The following DOCK4 variants were observed in gnomAD, a reference collection of about 807,000 sequenced individuals.
DOCK4 encodes dedicator of cytokinesis protein 4.
A neutral mutation model predicts 268.1 loss-of-function variants in DOCK4; 97 were observed. That is an observed-to-expected ratio of 0.36 (90% CI 0.31 to 0.43). The LOEUF is 0.43. Ranked by LOEUF, DOCK4 falls within the 20% of genes least tolerant of loss-of-function variation. The probability of loss-of-function intolerance (pLI) is 1.00; values close to 1 mark genes in which losing one functional copy is unlikely to be tolerated. For synonymous variants in DOCK4, 954 were observed against 887.2 expected, an observed-to-expected ratio of 1.08 and a Z score of -1.34; for missense variants, 2,145 against 2,455.7, an observed-to-expected ratio of 0.87 and a Z score of 2.67.
At chr7:111,969,897 A>C (rs1797569247) in intron 8 of DOCK4, among the ~76,000 whole-genome samples, 1 of 152,174 alleles carries the variant, frequency 6.6e-6, no homozygotes, top group Non-Finnish European at 1.5e-5. Context: ...TATGTAACAA[A>C]AACTCATATG....
At chr7:112,113,377 A>C (rs1157475260) in intron 1 of DOCK4, among the ~76,000 whole-genome samples, 1 of 152,188 alleles carries the variant, frequency 6.6e-6, no homozygotes, top group East Asian at 1.9e-4. Context: ...AGAGAGGACT[A>C]AATTGTAGTA....
intron 1 of DOCK4, among the ~76,000 whole-genome samples, chr7:112,136,098 C>T (rs1213834010): frequency 6.6e-6 from 1 of 152,158 alleles, no homozygotes; most frequent in Non-Finnish European, 1.5e-5. Context: ...ATTAAATACC[C>T]TCTCAGAAGT....
chr7:111,869,942 G>C (rs7788189), intron 20 of DOCK4, among the ~76,000 whole-genome samples: 31,304 of 152,106 alleles, frequency 0.21, 3,421 homozygotes, highest in African/African-American at 0.27. Flanking sequence ...GAAAAGGACT[G>C]TGCCCAACCA....
chr7:111,931,884 G>T (rs1794231623), intron 12 of DOCK4, among the ~76,000 whole-genome samples: 1 of 152,122 alleles, frequency 6.6e-6, no homozygotes, highest in African/African-American at 2.4e-5. Flanking sequence ...TCCCTTAGAG[G>T]ATTCAAACCT....
intron 1 of DOCK4, among the ~76,000 whole-genome samples, chr7:112,013,423 T>C (rs541097044): frequency 4.6e-5 from 7 of 152,318 alleles, no homozygotes; most frequent in South Asian, 2.1e-4. Flanking sequence ...CTCAAGGAGA[T>C]AGGGGAGCCA....
At chr7:111,786,483 A>C (rs1049045893) in intron 32 of DOCK4, among the ~76,000 whole-genome samples, 6 of 152,208 alleles carry the variant, frequency 3.9e-5, no homozygotes, top group African/African-American at 1.4e-4. Context: ...TTTATGAAAT[A>C]AGTTTCACAA....
intron 23 of DOCK4, among the ~76,000 whole-genome samples, chr7:111,851,696 G>A (rs150995588): frequency 2.2e-4 from 34 of 152,048 alleles, no homozygotes; most frequent in Non-Finnish European, 3.5e-4. Flanking sequence ...TTCCAGTTCC[G>A]TGAAATACTA....
chr7:111,888,322 G>C (rs1808015006), intron 16 of DOCK4, among the ~76,000 whole-genome samples: 1 of 151,060 alleles, frequency 6.6e-6, no homozygotes, highest in Non-Finnish European at 1.5e-5. Flanking sequence ...TCCTATGCAG[G>C]CACAGTAGAA....
intron 6 of DOCK4, among the ~76,000 whole-genome samples, chr7:111,986,715 A>C (rs1799081569): frequency 6.6e-6 from 1 of 152,192 alleles, no homozygotes; most frequent in Admixed American, 6.5e-5. Context: ...TGGGCAACAG[A>C]AACATGTACC....
Position 111,778,359 on chromosome 7 carries a change from T to G in DOCK4, c.3596A>C (p.Lys1199Thr), listed in dbSNP as rs1457214883. ...CATCTCCTCCTTGTTCAGTTCAGTC[T>G]TATAGAAGTTCTGTAAAAAAAGAGT... ...GCTVSLLNFY[K>T]TELNKEEMYI... The change falls in exon 36 of 53, where the codon AAG (lysine) becomes ACG (threonine). Residue 1199 changes from lysine to threonine, a missense_variant. By Grantham distance (78) the Lys-to-Thr change is moderately conservative. This residue lies in a region of DOCK4 where 1,598 missense variants were observed against 1,986.7 expected (regional missense o/e 0.80). Transcript: ENST00000428084. The G allele has an allele frequency of 6.2e-7, 1 of 1,608,612 alleles. No individual in the cohort carries two copies. Among genetic ancestry groups the G allele is most frequent in the African/African-American group, 1.3e-5 (1 of 74,790 alleles).
rs1821398382 is a variant in DOCK4, at chr7:112,206,228, A to G, written c.-90T>C. 10 of 1,417,744 alleles carry G rather than the reference A, an allele frequency of 7.1e-6. No individual in the cohort carries two copies. The Admixed American group carries it at 1.6e-4, about 23-fold the overall frequency. 87.8% of individuals were successfully genotyped at this position (1,417,744 alleles called of 1,614,324 possible). A position where few individuals can be genotyped will look rare whatever the true frequency, so the allele number is the denominator to read the frequency against. ...ATGCACAGTCCCCGAGCAGCGCTGC[A>G]GTGCCGGAGCCCAGCGGCTTCGCGC... On this transcript the variant is annotated 5_prime_UTR_variant, in exon 1 of 53. Coordinates refer to ENST00000428084, the MANE Select transcript of DOCK4 (RefSeq NM_001363540.2).
In DOCK4 at chr7:111,810,014, G is replaced by A. The variant is rs183640991; in HGVS notation, c.3007-613C>T. ...AAAAAAAAAAAAGGACATAATGGAA[G>A]GAACACACTTCTCCACTGACACCAT... is the stretch of plus-strand genomic sequence containing the variant. On this transcript the variant is annotated intron_variant, in intron 28 of 52. Transcript: ENST00000428084. Among the ~76,000 whole-genome samples, 127 of 148,324 alleles carry A rather than the reference G, an allele frequency of 8.6e-4. 1 individual carries two copies. The highest frequency in any genetic ancestry group is 1.5e-3 in the Non-Finnish European group (103 of 67,392).
chr7:112,012,443 A>G (rs1475813153), intron 1 of DOCK4, among the ~76,000 whole-genome samples: 1 of 152,222 alleles, frequency 6.6e-6, no homozygotes. Context: ...GAAGGGAGGC[A>G]GATGCAACTT....
chr7:112,005,129 G>T (rs1443460654), intron 1 of DOCK4, among the ~76,000 whole-genome samples: 1 of 152,104 alleles, frequency 6.6e-6, no homozygotes, highest in African/African-American at 2.4e-5. Flanking sequence ...AAAAGAAAAT[G>T]ATTCTTAAAA....
chr7:111,977,250 C>T lies in DOCK4; in HGVS notation c.583G>A (p.Val195Met), dbSNP rs1482222418. ...AAGAGGTGGTGACTGCTGGCCTGCA[C>T]CGGGGTGTCTTTCTTCCGATGTCGA... ...EHRHRKKDTP[V>M]QASSHHLFVQ... Residue 195 changes from valine (V) to methionine (M), a missense_variant, in exon 8 of 53, where the codon GTG becomes ATG. Val to Met is a conservative substitution (Grantham distance 21, BLOSUM62 1). This residue lies in a region of DOCK4 where 1,598 missense variants were observed against 1,986.7 expected (regional missense o/e 0.80). Transcript: ENST00000428084. 4 of 1,607,516 alleles carry T rather than the reference C, an allele frequency of 2.5e-6. No homozygotes were observed. The highest frequency in any genetic ancestry group is 1.3e-5 in the African/African-American group (1 of 74,792).
chr7:111,852,127 T>C (rs1804624587), intron 23 of DOCK4, among the ~76,000 whole-genome samples: 1 of 152,116 alleles, frequency 6.6e-6, no homozygotes, highest in Non-Finnish European at 1.5e-5. Context: ...CATGCCCGGC[T>C]AATGTTTTGT....
chr7:111,772,859 G>C (rs1798210595), intron 36 of DOCK4, among the ~76,000 whole-genome samples: 2 of 152,248 alleles, frequency 1.3e-5, no homozygotes, highest in South Asian at 2.1e-4. Flanking sequence ...GTCTCCAAAT[G>C]CTTTCCCAAT....
intron 1 of DOCK4, among the ~76,000 whole-genome samples, chr7:112,135,251 CA>C (rs1554456461): frequency 6.6e-6 from 1 of 151,934 alleles, no homozygotes; most frequent in Non-Finnish European, 1.5e-5. Context: ...AATTTTAAGT[CA>C]TTTTAAAATA....
chr7:112,040,931 A>C (rs1804298236), intron 1 of DOCK4, among the ~76,000 whole-genome samples: 1 of 152,210 alleles, frequency 6.6e-6, no homozygotes, highest in East Asian at 1.9e-4. Flanking sequence ...AAAAAGTCTA[A>C]GTATATGCAG....
Sources: allele counts gnomAD v4.1 joint callset (sites outside exome capture counted in the v4.1 genomes callset), GRCh38; gene constraint gnomAD v4.1.1; regional missense constraint gnomAD v4.1.1; transcripts MANE v1.5; gene names NCBI Gene and HGNC (gene_info 2026-07-23, HGNC 2026-07-21).